SYT14: variants seen among roughly 807,000 people sequenced by gnomAD.
The protein encoded by SYT14 is synaptotagmin 14, also known as synaptotagmin-14.
SYT14 carries 32 observed loss-of-function variants against 74.2 expected under a neutral mutation model. That is an observed-to-expected ratio of 0.43 (90% CI 0.33 to 0.58). The LOEUF is 0.58. Among genes scored for constraint, SYT14 ranks in the 20% least tolerant of loss-of-function variants. The pLI, the probability that SYT14 is intolerant of heterozygous loss-of-function variation, is 0.05. For synonymous variants in SYT14, 298 were observed against 337.7 expected, an observed-to-expected ratio of 0.88 and a Z score of 1.29; for missense variants, 791 against 981.8, an observed-to-expected ratio of 0.81 and a Z score of 2.60.
intron 5 of SYT14, among the ~76,000 whole-genome samples, chr1:210,047,714 G>A (rs1220629257): frequency 6.6e-6 from 1 of 152,126 alleles, no homozygotes; most frequent in East Asian, 1.9e-4. Context: ...ATTTAATGTA[G>A]ATTATATTTT....
intron 7 of SYT14, among the ~76,000 whole-genome samples, chr1:210,105,441 T>C (rs1279034261): frequency 1.3e-5 from 2 of 152,222 alleles, no homozygotes; most frequent in Non-Finnish European, 2.9e-5. Context: ...TGGGGCCTCT[T>C]TGAGCTTTGA....
chr1:210,085,420 T>G (rs1163378708), intron 5 of SYT14, among the ~76,000 whole-genome samples: 1 of 152,208 alleles, frequency 6.6e-6, no homozygotes, highest in East Asian at 1.9e-4. Context: ...TGACTAGAAG[T>G]GGTGATAACA....
chr1:210,141,305 A>T (rs746477952), intron 7 of SYT14, among the ~76,000 whole-genome samples: 39 of 152,134 alleles, frequency 2.6e-4, no homozygotes, highest in Non-Finnish European at 4.0e-4. Flanking sequence ...TGTGAATGGA[A>T]TTGTTTTCTT....
exon 10 of SYT14, chr1:210,165,988 T>G (rs1040650328): frequency 2.0e-5 from 3 of 152,250 alleles, no homozygotes; most frequent in Non-Finnish European, 2.9e-5. Flanking sequence ...TTTGCCCTCA[T>G]GGGGCCTACA....
chr1:210,070,542 T>A (rs530794739), intron 5 of SYT14, among the ~76,000 whole-genome samples: 1 of 152,230 alleles, frequency 6.6e-6, no homozygotes, highest in African/African-American at 2.4e-5. Flanking sequence ...GTGTTCTTTA[T>A]TGATTTTCCC....
chr1:210,052,608 A>G (rs1313265507), intron 5 of SYT14, among the ~76,000 whole-genome samples: 1 of 144,092 alleles, frequency 6.9e-6, no homozygotes. Context: ...ATTGCAGTGA[A>G]CTGAGATCAC....
chr1:209,980,207 C>G (rs1452935366), intron 2 of SYT14, among the ~76,000 whole-genome samples: 4 of 152,236 alleles, frequency 2.6e-5, no homozygotes, highest in Middle Eastern at 3.4e-3. Flanking sequence ...CTCTGATGAT[C>G]AGTGATGCTG....
At chr1:210,140,303 T>G (rs984035503) in intron 7 of SYT14, among the ~76,000 whole-genome samples, 3 of 152,182 alleles carry the variant, frequency 2.0e-5, no homozygotes, top group African/African-American at 7.2e-5. Context: ...TTTTTTGCCT[T>G]TGGATAAATT....
chr1:210,083,323 T>C (rs1170830917), intron 5 of SYT14, among the ~76,000 whole-genome samples: 1 of 152,070 alleles, frequency 6.6e-6, no homozygotes, highest in Admixed American at 6.5e-5. Flanking sequence ...ATCAGGAAAA[T>C]AAATTAATTA....
chr1:210,034,898 C>T (rs540919680), intron 5 of SYT14, among the ~76,000 whole-genome samples: 4 of 151,892 alleles, frequency 2.6e-5, no homozygotes, highest in African/African-American at 9.6e-5. Context: ...AGGTTGATTC[C>T]ATATTTTGCT....
chr1:210,125,971 G>A (rs532361418), intron 7 of SYT14, among the ~76,000 whole-genome samples: 23 of 152,242 alleles, frequency 1.5e-4, no homozygotes, highest in African/African-American at 5.1e-4. Flanking sequence ...TTGGGAGGCC[G>A]AGGAGGGCAG....
intron 4 of SYT14, among the ~76,000 whole-genome samples, chr1:210,018,919 C>T (rs1046199933): frequency 1.8e-4 from 27 of 151,986 alleles, no homozygotes; most frequent in Admixed American, 1.7e-3. Context: ...GGGCAGATCA[C>T]GAGGTCAAGA....
At chr1:210,156,402 T>C (rs940447026) in intron 8 of SYT14, among the ~76,000 whole-genome samples, 5 of 152,090 alleles carry the variant, frequency 3.3e-5, no homozygotes, top group African/African-American at 9.7e-5. Context: ...AAGCCAGTAC[T>C]GCCAGCAGAG....
intron 1 of SYT14, 92 bp from the exon 2 acceptor site, chr1:209,952,617 A>T (rs1055627175): frequency 6.4e-6 from 7 of 1,099,228 alleles, no homozygotes; most frequent in Non-Finnish European, 8.2e-6. Context: ...TTTTGAGGTC[A>T]CTTTTAGGTG....
At chr1:210,018,910 G>A (rs2080243746) in intron 4 of SYT14, among the ~76,000 whole-genome samples, 1 of 151,994 alleles carries the variant, frequency 6.6e-6, no homozygotes, top group Non-Finnish European at 1.5e-5. Flanking sequence ...GGCCAAGGCG[G>A]GCAGATCACG....
At chr1:210,100,432 G>A in exon 7 of SYT14, 2 of 1,613,266 alleles carry the variant, frequency 1.2e-6, no homozygotes, top group South Asian at 2.2e-5. Flanking sequence ...GTCATTGCCT[G>A]TGATATTGGA....
At chr1:209,979,923 A>G (rs556591366) in intron 2 of SYT14, among the ~76,000 whole-genome samples, 5 of 152,316 alleles carry the variant, frequency 3.3e-5, no homozygotes, top group African/African-American at 9.6e-5. Context: ...ATGTGCATGC[A>G]TATGTCTTTA....
intron 7 of SYT14, among the ~76,000 whole-genome samples, chr1:210,103,958 A>G (rs2082115646): frequency 6.6e-6 from 1 of 152,202 alleles, no homozygotes; most frequent in South Asian, 2.1e-4. Flanking sequence ...AAGGTAAGCC[A>G]TAAAATTGAC....
intron 5 of SYT14, among the ~76,000 whole-genome samples, chr1:210,032,866 C>T (rs945121338): frequency 1.5e-5 from 2 of 129,398 alleles, no homozygotes; most frequent in African/African-American, 3.0e-5. Flanking sequence ...CGTACCTATA[C>T]GTTTGCACTA....
Sources: gnomAD v4.1 joint callset for allele counts (sites outside exome capture counted in the v4.1 genomes callset) on GRCh38, gnomAD v4.1.1 for gene constraint, MANE v1.5 for transcripts, NCBI Gene and HGNC (gene_info 2026-07-23, HGNC 2026-07-21) for gene names.